BABAM2: variants seen among roughly 807,000 people sequenced by gnomAD.
BABAM2 encodes the protein BRISC and BRCA1 A complex member 2.
In BABAM2, 31 loss-of-function variants were observed where a neutral mutation model predicts 54.7. That is an observed-to-expected ratio of 0.57 (90% confidence interval 0.43 to 0.77). The LOEUF (loss-of-function observed/expected upper bound fraction) is 0.77. Among genes scored for constraint, BABAM2 ranks in the 30% least tolerant of loss-of-function variants. The probability of loss-of-function intolerance (pLI) is 0.00; values close to 1 mark genes in which losing one functional copy is unlikely to be tolerated. For missense variants in BABAM2, 364 were observed against 455.8 expected (o/e 0.80, Z 1.83); for synonymous variants, 167 against 162.9 (o/e 1.03, Z -0.19).
At chr2:28,242,481 C>T (rs557156367) in intron 9 of BABAM2, among the ~76,000 whole-genome samples, 123 of 152,284 alleles carry the variant, frequency 8.1e-4, no homozygotes, top group African/African-American at 2.8e-3. Flanking sequence ...ATTTTCCTCA[C>T]GATCTTTAGA....
At chr2:28,055,799 T>C (rs1678358513) in intron 6 of BABAM2, among the ~76,000 whole-genome samples, 1 of 152,224 alleles carries the variant, frequency 6.6e-6, no homozygotes, top group Non-Finnish European at 1.5e-5. Flanking sequence ...GCCATGTTCA[T>C]TGCAGCTTTA....
At position 28,338,702 on chromosome 2, in the gene BABAM2, C is replaced by T. The variant is rs1691688198; in HGVS notation, c.*189C>T. 1 of 597,992 alleles carries T rather than the reference C, an allele frequency of 1.7e-6. No individual in the cohort carries two copies. The highest frequency in any genetic ancestry group is 2.9e-6 in the Non-Finnish European group (1 of 340,220). 37.0% of individuals were successfully genotyped at this position (597,992 alleles called of 1,614,324 possible). Reference sequence around the variant, plus strand: ...TGAGCTGGCTGGTGGTCCCTGGATCCTAGAGCCCTTCACTTCGGGTTACTC... The same window carrying T: ...TGAGCTGGCTGGTGGTCCCTGGATCTTAGAGCCCTTCACTTCGGGTTACTC... On this transcript the variant is annotated 3_prime_UTR_variant, in exon 12 of 12. Transcript: ENST00000379624.
Position 28,275,765 on chromosome 2 carries a change from C to A in BABAM2, c.935-22573C>A, listed in dbSNP as rs559688755. Among the ~76,000 whole-genome samples the A allele has an allele frequency of 3.3e-5, 5 of 152,222 alleles. No individual in the cohort carries two copies. The South Asian group carries it at 1.0e-3, about 32-fold the overall frequency. ...TCTCTTCCAACAGCCAATAAACATC[C>A]CGCAGAGAGGACAGCTTACGCATGG... On this transcript the variant is annotated intron_variant, in intron 10 of 11. Coordinates refer to ENST00000379624, the MANE Select transcript of BABAM2 (RefSeq NM_199191.3).
chr2:28,088,690 G>T (rs916274487), intron 6 of BABAM2, among the ~76,000 whole-genome samples: 1 of 152,164 alleles, frequency 6.6e-6, no homozygotes, highest in African/African-American at 2.4e-5. Context: ...GGGGACAAAG[G>T]CATCTATAGT....
intron 2 of BABAM2, among the ~76,000 whole-genome samples, chr2:27,917,223 G>A (rs1391431519): frequency 6.6e-6 from 1 of 151,816 alleles, no homozygotes; most frequent in Non-Finnish European, 1.5e-5. Context: ...TCACCACGTT[G>A]GCCAGGATGG....
chr2:28,248,671 A>G (rs76964330), intron 10 of BABAM2, among the ~76,000 whole-genome samples: 2,433 of 152,310 alleles, frequency 0.016, 25 homozygotes, highest in Non-Finnish European at 0.024. Flanking sequence ...CTACAGGAGC[A>G]GAGTTGCTGC....
intron 10 of BABAM2, among the ~76,000 whole-genome samples, chr2:28,287,877 T>C (rs1686956704): frequency 6.6e-6 from 1 of 152,124 alleles, no homozygotes; most frequent in Admixed American, 6.5e-5. Flanking sequence ...ATGTGGACCC[T>C]CAGTTCCAGC....
intron 11 of BABAM2, among the ~76,000 whole-genome samples, chr2:28,336,801 A>C (rs1252560764): frequency 1.3e-5 from 2 of 152,250 alleles, no homozygotes; most frequent in Non-Finnish European, 2.9e-5. Context: ...AGACAACTCC[A>C]GGGCCTGTCA....
chr2:27,924,487 C>T (rs566361404), intron 2 of BABAM2, among the ~76,000 whole-genome samples: 8 of 152,142 alleles, frequency 5.3e-5, no homozygotes, highest in East Asian at 3.9e-4. Flanking sequence ...TGGGCTCAAG[C>T]GATTCTCCTT....
At chr2:28,026,316 A>T (rs565760103) in intron 5 of BABAM2, among the ~76,000 whole-genome samples, 16 of 152,306 alleles carry the variant, frequency 1.1e-4, no homozygotes, top group African/African-American at 3.6e-4. Flanking sequence ...ACAATAGCAA[A>T]GACTTGGAAC....
intron 3 of BABAM2, among the ~76,000 whole-genome samples, chr2:27,983,169 C>T (rs1333524249): frequency 6.6e-6 from 1 of 152,002 alleles, no homozygotes. Flanking sequence ...TCTCACCCAC[C>T]CTTGTTATTT....
intron 3 of BABAM2, among the ~76,000 whole-genome samples, chr2:27,976,160 G>A (rs1440517039): frequency 6.6e-6 from 1 of 151,998 alleles, no homozygotes; most frequent in Non-Finnish European, 1.5e-5. Context: ...TTTGTTTTAT[G>A]GTTAAAGATA....
chr2:28,160,720 A>G (rs2147810102), intron 7 of BABAM2, among the ~76,000 whole-genome samples: 1 of 150,360 alleles, frequency 6.7e-6, no homozygotes, highest in East Asian at 1.9e-4. Flanking sequence ...GAACATAGAA[A>G]GGAACATATA....
chr2:27,933,339 A>T (rs1186962576), intron 3 of BABAM2, among the ~76,000 whole-genome samples: 1 of 152,136 alleles, frequency 6.6e-6, no homozygotes, highest in East Asian at 1.9e-4. Flanking sequence ...GGCAATTCTT[A>T]TGCTAAAATG....
chr2:28,169,462 G>T (rs888391510), intron 7 of BABAM2, among the ~76,000 whole-genome samples: 4 of 151,878 alleles, frequency 2.6e-5, no homozygotes, highest in Non-Finnish European at 5.9e-5. Context: ...TATGTTCTTT[G>T]TGACCTCTTA....
At chr2:27,915,134 C>T (rs375241026) in intron 2 of BABAM2, among the ~76,000 whole-genome samples, 1 of 152,098 alleles carries the variant, frequency 6.6e-6, no homozygotes, top group Non-Finnish European at 1.5e-5. Flanking sequence ...GTTGGACCCC[C>T]ATGAGAATTT....
chr2:28,291,391 G>A (rs1368058097), intron 10 of BABAM2, among the ~76,000 whole-genome samples: 7 of 152,140 alleles, frequency 4.6e-5, no homozygotes, highest in East Asian at 1.9e-4. Context: ...TCAGGAGTTC[G>A]AGACCAGCCT....
intron 6 of BABAM2, among the ~76,000 whole-genome samples, chr2:28,072,986 T>C (rs572188772): frequency 6.6e-6 from 1 of 152,348 alleles, no homozygotes; most frequent in South Asian, 2.1e-4. Context: ...AATTAACTGG[T>C]AAATACTTTA....
intron 7 of BABAM2, among the ~76,000 whole-genome samples, chr2:28,200,051 T>C (rs1678093309): frequency 1.3e-5 from 2 of 152,240 alleles, no homozygotes; most frequent in Non-Finnish European, 2.9e-5. Context: ...TAGGGAAATA[T>C]AATACACATT....
Sources: allele counts gnomAD v4.1 joint callset (sites outside exome capture counted in the v4.1 genomes callset), GRCh38; gene constraint gnomAD v4.1.1; transcripts MANE v1.5; gene names NCBI Gene and HGNC (gene_info 2026-07-23, HGNC 2026-07-21).